CNTNAP2: variants seen among roughly 807,000 people sequenced by gnomAD.
CNTNAP2 encodes contactin associated protein 2.
In CNTNAP2, 98 loss-of-function variants were observed where a neutral mutation model predicts 155.2. The ratio of observed to expected loss-of-function variants is 0.63; its 90% confidence interval spans 0.54 to 0.75. The LOEUF is 0.75. CNTNAP2 is among the 30% of genes least tolerant of loss of function. The pLI, the probability that CNTNAP2 is intolerant of heterozygous loss-of-function variation, is 0.00. For synonymous variants in CNTNAP2, 651 were observed against 631.2 expected (o/e 1.03, Z -0.47); for missense variants, 1,727 against 1,688.1 (o/e 1.02, Z -0.40).
rs79991639 is a variant in CNTNAP2 at position 146,585,634 on chromosome 7, A to G, written c.98-188637A>G. 5.7e-3 allele frequency among the ~76,000 whole-genome samples: 867 copies of G among 152,238 alleles called. 2 individuals carry two copies. Among genetic ancestry groups the G allele is most frequent in the Non-Finnish European group, 7.9e-3 (538 of 68,028 alleles). ...TAAGAATTCAGAGTTACCTATTAAA[A>G]ATAAAATTGACGAGTTATCAAAATA... On this transcript the variant is annotated intron_variant, in intron 1 of 23. Transcript: ENST00000361727.
chr7:146,404,276 T>C (rs2129109204), intron 1 of CNTNAP2, among the ~76,000 whole-genome samples: 2 of 152,288 alleles, frequency 1.3e-5, no homozygotes, highest in African/African-American at 4.8e-5. Context: ...TGAGTTATGC[T>C]GAAGCAGATG....
At chr7:146,598,433 A>G (rs1798896470) in intron 1 of CNTNAP2, among the ~76,000 whole-genome samples, 1 of 152,048 alleles carries the variant, frequency 6.6e-6, no homozygotes, top group African/African-American at 2.4e-5. Context: ...CACTGTCTGT[A>G]CTGTTTCCTG....
chr7:147,223,414 G>C (rs1803450336), intron 8 of CNTNAP2, among the ~76,000 whole-genome samples: 1 of 152,164 alleles, frequency 6.6e-6, no homozygotes, highest in Admixed American at 6.5e-5. Context: ...CCAAGGTTCA[G>C]GAAAGCTTCA....
At chr7:148,087,593 T>C (rs1321181651) in intron 15 of CNTNAP2, among the ~76,000 whole-genome samples, 4 of 152,162 alleles carry the variant, frequency 2.6e-5, no homozygotes, top group African/African-American at 7.2e-5. Context: ...CTTGACTCCA[T>C]TGATTTTTTA....
At position 148,266,954 on chromosome 7, in the gene CNTNAP2, G is replaced by A. The variant is rs549368700; in HGVS notation, c.3382-79G>A. On this transcript the variant is annotated intron_variant, in intron 20 of 23. Transcript: ENST00000361727. ...AGAAAACCAGGGTTCAAAGAGTGAT[G>A]TCATCCCCACAGGGAAGATTTGGTT... 10 of 1,300,846 alleles carry A rather than the reference G, an allele frequency of 7.7e-6. No individual in the cohort carries two copies. In the East Asian group the frequency reaches 1.8e-4, roughly 24 times the overall value. The allele number at this position is 1,300,846 out of a possible 1,614,324, so 80.6% of individuals were successfully genotyped here. A position where few individuals can be genotyped will look rare whatever the true frequency, so the allele number is the denominator to read the frequency against.
chr7:146,807,401 G>C (rs1193790533), intron 2 of CNTNAP2, among the ~76,000 whole-genome samples: 1 of 151,916 alleles, frequency 6.6e-6, no homozygotes, highest in Non-Finnish European at 1.5e-5. Flanking sequence ...TTCCAATTTT[G>C]TCACTTTTTA....
intron 14 of CNTNAP2, among the ~76,000 whole-genome samples, chr7:147,905,022 G>C (rs990912094): frequency 7.2e-5 from 11 of 152,060 alleles, no homozygotes; most frequent in Non-Finnish European, 1.3e-4. Flanking sequence ...TTCATTCAGT[G>C]AATCATCCAA....
chr7:147,712,279 C>G (rs952408704), intron 13 of CNTNAP2, among the ~76,000 whole-genome samples: 1 of 152,200 alleles, frequency 6.6e-6, no homozygotes, highest in Admixed American at 6.5e-5. Flanking sequence ...GAAATAGGAA[C>G]ACTTTTACAC....
chr7:146,140,557 A>T (rs1797862554), intron 1 of CNTNAP2, among the ~76,000 whole-genome samples: 1 of 152,150 alleles, frequency 6.6e-6, no homozygotes. Context: ...AAATATTTGT[A>T]CTTCAAGTGT....
intron 15 of CNTNAP2, among the ~76,000 whole-genome samples, chr7:148,097,784 G>A (rs1483284674): frequency 1.3e-5 from 2 of 152,184 alleles, no homozygotes; most frequent in African/African-American, 2.4e-5. Flanking sequence ...AGACAAGGTG[G>A]TATGTTTGAC....
At chr7:146,151,952 T>C (rs1304510878) in intron 1 of CNTNAP2, among the ~76,000 whole-genome samples, 2 of 151,308 alleles carry the variant, frequency 1.3e-5, no homozygotes, top group East Asian at 3.9e-4. Flanking sequence ...GGAAACAGTA[T>C]GGAGGTTACT....
At chr7:147,685,625 A>C (rs554882980) in intron 13 of CNTNAP2, among the ~76,000 whole-genome samples, 35 of 152,122 alleles carry the variant, frequency 2.3e-4, no homozygotes, top group South Asian at 2.3e-3. Flanking sequence ...ACAAATCGTC[A>C]CCTTCTAAAG....
chr7:148,182,846 A>T (rs1023367684), intron 18 of CNTNAP2, among the ~76,000 whole-genome samples: 1 of 152,196 alleles, frequency 6.6e-6, no homozygotes, highest in Non-Finnish European at 1.5e-5. Context: ...GTTTAACTTG[A>T]CTAACAATAC....
intron 1 of CNTNAP2, among the ~76,000 whole-genome samples, chr7:146,505,063 G>A (rs1797362535): frequency 6.6e-6 from 1 of 152,178 alleles, no homozygotes; most frequent in Non-Finnish European, 1.5e-5. Context: ...AGGTCAGCCA[G>A]GAAGCAAGCA....
At chr7:147,133,690 A>C (rs1477460529) in intron 8 of CNTNAP2, among the ~76,000 whole-genome samples, 1 of 152,022 alleles carries the variant, frequency 6.6e-6, no homozygotes, top group East Asian at 1.9e-4. Context: ...TATAGAACAT[A>C]TATATTTTCT....
At chr7:147,268,333 C>T (rs1370707314) in intron 8 of CNTNAP2, among the ~76,000 whole-genome samples, 2 of 152,150 alleles carry the variant, frequency 1.3e-5, no homozygotes, top group Non-Finnish European at 1.5e-5. Context: ...AAACTCTATG[C>T]AGCCATGAAA....
At chr7:146,786,895 TC>T (rs1280188225) in intron 2 of CNTNAP2, 1 of 152,218 alleles carries the variant, frequency 6.6e-6, no homozygotes, top group Non-Finnish European at 1.5e-5. Flanking sequence ...GAACTGCGGG[TC>T]CTTGTCTGCA....
chr7:147,455,513 T>A (rs963441590), intron 10 of CNTNAP2, among the ~76,000 whole-genome samples: 2 of 152,118 alleles, frequency 1.3e-5, no homozygotes, highest in Admixed American at 6.6e-5. Context: ...CATTTCTGTC[T>A]TCATCATCTC....
chr7:147,586,346 A>G (rs892896339), intron 12 of CNTNAP2, among the ~76,000 whole-genome samples: 1 of 126,530 alleles, frequency 7.9e-6, no homozygotes, highest in African/African-American at 2.8e-5. Flanking sequence ...GAATTTCAAA[A>G]GAAAGGAGGG....
Sources: gnomAD v4.1 joint callset for allele counts (sites outside exome capture counted in the v4.1 genomes callset) on GRCh38, gnomAD v4.1.1 for gene constraint, MANE v1.5 for transcripts, NCBI Gene and HGNC (gene_info 2026-07-23, HGNC 2026-07-21) for gene names.